The following ANO1 variants were observed in gnomAD, a reference collection of about 807,000 sequenced individuals.
ANO1 encodes anoctamin 1, also known as anoctamin-1.
In ANO1, 59 loss-of-function variants were observed where a neutral mutation model predicts 124.0. The observed-to-expected ratio is 0.48, with a 90% CI of 0.39 to 0.59. ANO1 has a LOEUF of 0.59. ANO1 is among the 20% of genes least tolerant of loss of function. The pLI is 0.00. For missense variants in ANO1, 1,059 were observed against 1,328.0 expected, an observed-to-expected ratio of 0.80 and a Z score of 3.15; for synonymous variants, 529 against 532.0, an observed-to-expected ratio of 0.99 and a Z score of 0.08.
rs1054632763 is a variant in ANO1 at position 70,034,266 on chromosome 11, A to G, written c.59-44276A>G. ...TGACAAATTCAAGCTAGAAAGTGCC[A>G]CATGCTGTCGGGAGGGGCAGGCACA... is the stretch of plus-strand genomic sequence containing the variant. On this transcript the variant is annotated intron_variant, in intron 1 of 27. Transcript: ENST00000531349. Among the ~76,000 whole-genome samples, 5 of 152,176 alleles carry G rather than the reference A, an allele frequency of 3.3e-5. No homozygotes were observed. In the East Asian group the frequency reaches 7.7e-4, roughly 23 times the overall value.
chr11:70,117,393 T>C (rs1020976621), intron 8 of ANO1, among the ~76,000 whole-genome samples: 10 of 152,192 alleles, frequency 6.6e-5, no homozygotes, highest in Admixed American at 5.9e-4. Flanking sequence ...CTTTAGTGGC[T>C]GTTGCTAATT....
At chr11:70,114,863 A>G (rs1192460938) in intron 7 of ANO1, among the ~76,000 whole-genome samples, 1 of 152,166 alleles carries the variant, frequency 6.6e-6, no homozygotes, top group African/African-American at 2.4e-5. Context: ...TGTGTGGGTA[A>G]GAGTCACATG....
At chr11:70,094,793 T>C (rs2044774118) in intron 2 of ANO1, among the ~76,000 whole-genome samples, 1 of 152,224 alleles carries the variant, frequency 6.6e-6, no homozygotes, top group East Asian at 1.9e-4. Flanking sequence ...ACTTCTTTGG[T>C]CCCTAAAGAT....
chr11:70,081,324 G>A lies in ANO1; in HGVS notation c.108+2610G>A, dbSNP rs538924044. ...TCTGGGATCTGTGTGCCCCAAACAA[G>A]CCCAGACACTCCAGAGATACCTGAT... On this transcript the variant is annotated intron_variant, in intron 1 of 25. Coordinates refer to ENST00000355303, the MANE Select transcript of ANO1 (RefSeq NM_018043.7). Among the ~76,000 whole-genome samples the A allele has an allele frequency of 6.9e-4, 105 of 152,260 alleles. 1 individual carries two copies. The highest frequency in any genetic ancestry group is 2.5e-3 in the African/African-American group (105 of 41,542).
rs199951705 is a variant in ANO1, at chr11:70,059,191, CA to C, written c.59-19341del. On this transcript the variant is annotated intron_variant, in intron 1 of 27. Coordinates refer to the ANO1 transcript ENST00000531349. ...TGAGCGACAGAGCCAGACTCTGTTTCAAAAAAAAAACTAGCCAGGTGTGGTG... is the reference window on the plus strand; with the variant it reads ...TGAGCGACAGAGCCAGACTCTGTTTCAAAAAAAAACTAGCCAGGTGTGGTG... 1.1e-3 allele frequency among the ~76,000 whole-genome samples: 159 copies of C among 140,194 alleles called. 6 individuals carry two copies. In the South Asian group the frequency reaches 0.031, roughly 27 times the overall value. 92.0% of individuals were successfully genotyped at this position (140,194 alleles called of 152,430 possible). A position where few individuals can be genotyped will look rare whatever the true frequency, so the allele number is the denominator to read the frequency against.
chr11:70,105,690 G>T (rs1278754317), intron 4 of ANO1, 44 bp from the exon 5 acceptor site: 3 of 1,588,742 alleles, frequency 1.9e-6, no homozygotes, highest in Non-Finnish European at 2.6e-6. Flanking sequence ...AGAACTGCCA[G>T]CTCTGGTGAA....
At chr11:70,002,950 T>TA (rs1183384826) in intron 1 of ANO1, among the ~76,000 whole-genome samples, 1 of 152,114 alleles carries the variant, frequency 6.6e-6, no homozygotes, top group Non-Finnish European at 1.5e-5. Context: ...GATGGACACT[T>TA]ACATTATCTT....
the ANO1 span, among the ~76,000 whole-genome samples, chr11:69,974,358 C>A: frequency 1.3e-5 from 2 of 152,152 alleles, no homozygotes; most frequent in Non-Finnish European, 2.9e-5. Flanking sequence ...ATTTAATTAA[C>A]ACTTAGAGAT....
chr11:70,071,619 CT>C (rs34283884), intron 1 of ANO1, among the ~76,000 whole-genome samples: 78,524 of 149,672 alleles, frequency 0.52, 21,166 homozygotes, highest in East Asian at 0.67. Flanking sequence ...TGATTAATAA[CT>C]TTTTTTTTTT....
chr11:70,116,469 C>T lies in ANO1; in HGVS notation c.867C>T (p.Asn289=), dbSNP rs1310644997. The change falls in exon 8 of 26, where the codon AAC becomes AAT. Residue 289 remains asparagine (N), a synonymous_variant. Coordinates refer to ENST00000355303, the MANE Select transcript of ANO1 (RefSeq NM_018043.7). ...TCTTTTTTTAACAGGGAGACTACAA[C>T]GGTGAAAACGTCGAGTTCAACGACA... is the stretch of plus-strand genomic sequence containing the variant. ...AAYPLHDGDY[N]GENVEFNDRK... is the part of the protein sequence containing the mutation. 4.4e-6 allele frequency: 7 copies of T among 1,599,388 alleles called. No homozygotes were observed. Among genetic ancestry groups the T allele is most frequent in the Non-Finnish European group, 6.0e-6 (7 of 1,172,850 alleles).
chr11:70,053,489 A>G (rs1254540583), intron 1 of ANO1, among the ~76,000 whole-genome samples: 1 of 152,196 alleles, frequency 6.6e-6, no homozygotes, highest in Non-Finnish European at 1.5e-5. Context: ...TGTAGCACCT[A>G]CCAAGATGAT....
chr11:70,017,075 A>G (rs1219295338), intron 1 of ANO1, among the ~76,000 whole-genome samples: 1 of 152,220 alleles, frequency 6.6e-6, no homozygotes, highest in African/African-American at 2.4e-5. Flanking sequence ...CCTTAGAAAG[A>G]TGCCTGGCAC....
chr11:70,144,770 CAT>C (rs1273187423), intron 11 of ANO1, among the ~76,000 whole-genome samples: 6 of 152,354 alleles, frequency 3.9e-5, no homozygotes, highest in East Asian at 1.9e-4. Flanking sequence ...ATTGTACACT[CAT>C]GTGGGTGGGA....
At chr11:70,117,096 CTTTCTTTTTTT>C (rs1263261345) in intron 8 of ANO1, among the ~76,000 whole-genome samples, 3 of 75,950 alleles carry the variant, frequency 3.9e-5, no homozygotes, top group Non-Finnish European at 5.3e-5. Flanking sequence ...TTCTTTGTTT[CTTTCTTTTTTT>C]TTTTTTTTTT....
upstream of ANO1, among the ~76,000 whole-genome samples, chr11:70,078,091 G>T (rs981168696): frequency 3.3e-5 from 5 of 152,168 alleles, no homozygotes. Context: ...TTTATTTCAG[G>T]TGGGGCTATT....
At chr11:70,174,652 C>G (rs1031213542) in intron 22 of ANO1, among the ~76,000 whole-genome samples, 1 of 152,178 alleles carries the variant, frequency 6.6e-6, no homozygotes, top group South Asian at 2.1e-4. Flanking sequence ...AATCCTCCCT[C>G]AGTCCCACTT....
At chr11:69,973,867 G>A in the ANO1 span, among the ~76,000 whole-genome samples, 63 of 149,612 alleles carry the variant, frequency 4.2e-4, 1 homozygote, top group South Asian at 0.011. Context: ...GCAAGACTCC[G>A]TCTAAAAAAA....
chr11:70,070,978 C>T (rs903258587), intron 1 of ANO1, among the ~76,000 whole-genome samples: 6 of 152,272 alleles, frequency 3.9e-5, no homozygotes, highest in South Asian at 2.1e-4. Context: ...CCAACCGCAT[C>T]GCTTCCACTT....
intron 11 of ANO1, among the ~76,000 whole-genome samples, chr11:70,135,726 C>A (rs928763573): frequency 1.3e-5 from 2 of 152,224 alleles, no homozygotes; most frequent in African/African-American, 4.8e-5. Context: ...AGAGCACATT[C>A]CCAGGGGAAG....
Sources: gnomAD v4.1 joint callset for allele counts (sites outside exome capture counted in the v4.1 genomes callset) on GRCh38, gnomAD v4.1.1 for gene constraint, MANE v1.5 for transcripts, NCBI Gene and HGNC (gene_info 2026-07-23, HGNC 2026-07-21) for gene names.